RFPL2: variants seen among roughly 807,000 people sequenced by gnomAD.
RFPL2 encodes the protein ret finger protein like 2.
A neutral mutation model predicts 17.8 loss-of-function variants in RFPL2; 13 were observed. That is an observed-to-expected ratio of 0.73 (90% CI 0.47 to 1.16). The LOEUF (loss-of-function observed/expected upper bound fraction) is 1.16, where lower values mean the gene tolerates loss of function less well. Among genes scored for constraint, RFPL2 ranks in the 50% most tolerant of loss-of-function variants. RFPL2 has a pLI of 0.00. For synonymous variants in RFPL2, 189 were observed against 180.9 expected, an observed-to-expected ratio of 1.04 and a Z score of -0.36; for missense variants, 431 against 479.3, an observed-to-expected ratio of 0.90 and a Z score of 0.94.
At chr22:32,193,648 G>A (rs374101334) in intron 3 of RFPL2, among the ~76,000 whole-genome samples, 2 of 152,182 alleles carry the variant, frequency 1.3e-5, no homozygotes, top group Middle Eastern at 3.2e-3. Flanking sequence ...ATCTGAGGTC[G>A]TCAAAAGTTC....
At position 32,200,995 on chromosome 22, in the gene RFPL2, C is replaced by T. The variant is rs1028495488; in HGVS notation, c.119+1338G>A. Among the ~76,000 whole-genome samples, 5 of 151,294 alleles carry T rather than the reference C, an allele frequency of 3.3e-5. No individual in the cohort carries two copies. The East Asian group carries it at 5.8e-4, about 18-fold the overall frequency. ...CTTGTGAAAGATAGTATCTGAGCTC[C>T]GCAGGAAACAGTGCAAGGAGGGTAA... On this transcript the variant is annotated intron_variant, in intron 2 of 4. Coordinates refer to ENST00000652607, the MANE Select transcript of RFPL2 (RefSeq NM_001394555.1).
At chr22:32,200,290 G>A (rs898958997) in intron 2 of RFPL2, 35 of 238,542 alleles carry the variant, frequency 1.5e-4, no homozygotes, top group African/African-American at 5.7e-4. Flanking sequence ...CCCAGAACAG[G>A]GATCCCCTCC....
chr22:32,195,701 G>C (rs62239004), intron 2 of RFPL2, among the ~76,000 whole-genome samples: 2 of 151,360 alleles, frequency 1.3e-5, no homozygotes, highest in African/African-American at 4.9e-5. Context: ...CAGGTAACCC[G>C]CCCGCCTTGG....
intron 3 of RFPL2, among the ~76,000 whole-genome samples, chr22:32,193,723 C>G (rs573141839): frequency 6.6e-6 from 1 of 152,056 alleles, no homozygotes; most frequent in Non-Finnish European, 1.5e-5. Flanking sequence ...ATTAGCCAGG[C>G]GTGGTGGCAC....
At chr22:32,197,394 T>C (rs894133638) in intron 2 of RFPL2, among the ~76,000 whole-genome samples, 5 of 152,148 alleles carry the variant, frequency 3.3e-5, no homozygotes, top group African/African-American at 1.2e-4. Context: ...AGTTCTTTTT[T>C]TTTTCTTTTT....
At chr22:32,202,296 C>A in intron 2 of RFPL2, 37 bp downstream of exon 2, 3 of 1,559,122 alleles carry the variant, frequency 1.9e-6, no homozygotes, top group Middle Eastern at 1.7e-4. Flanking sequence ...AAGACTCCAC[C>A]CTGGAGCAAT....
Position 32,193,552 on chromosome 22 carries a change from T to C in RFPL2, c.266-360A>G. The C allele has an allele frequency of 3.2e-6, 4 of 1,263,298 alleles. No individual in the cohort carries two copies. In the South Asian group the frequency reaches 7.7e-5, roughly 24 times the overall value. The allele number at this position is 1,263,298 out of a possible 1,614,324, so 78.3% of individuals were successfully genotyped here. A position where few individuals can be genotyped will look rare whatever the true frequency, so the allele number is the denominator to read the frequency against. ...AGGGGAACCCCAGCAAGAGACTGAT[T>C]GATGAACATAAGAATTAGGGGCTGG... On this transcript the variant is annotated intron_variant, in intron 3 of 4. Coordinates refer to ENST00000652607, the MANE Select transcript of RFPL2 (RefSeq NM_001394555.1).
At chr22:32,192,218 C>T (rs1208587416) in intron 4 of RFPL2, among the ~76,000 whole-genome samples, 1 of 152,088 alleles carries the variant, frequency 6.6e-6, no homozygotes, top group African/African-American at 2.4e-5. Flanking sequence ...ATCATAGGGG[C>T]CCACCACCAT....
rs371696529 is a variant in RFPL2 at position 32,190,807 on chromosome 22, T to C, written c.1102A>G (p.Thr368Ala). 2 of 1,541,354 alleles carry C rather than the reference T, an allele frequency of 1.3e-6. No homozygotes were observed. Among genetic ancestry groups the C allele is most frequent in the African/African-American group, 1.4e-5 (1 of 72,004 alleles). The part of the protein sequence containing the change: ...SICPLMNSGT[T>A]DAPVRPGEAK ...TCCCCAGGACGGACTGGAGCATCAGTAGTGCCTGAGTTCATCAAAGGACAG... is the reference window on the plus strand; with the variant it reads ...TCCCCAGGACGGACTGGAGCATCAGCAGTGCCTGAGTTCATCAAAGGACAG... Residue 368 changes from threonine to alanine, a missense_variant, in exon 5 of 5, where the codon ACT becomes GCT. Thr to Ala is a moderately conservative substitution (Grantham distance 58). Coordinates refer to ENST00000652607, the MANE Select transcript of RFPL2 (RefSeq NM_001394555.1).
intron 4 of RFPL2, among the ~76,000 whole-genome samples, chr22:32,192,245 G>T (rs1206048220): frequency 1.3e-5 from 2 of 152,176 alleles, no homozygotes; most frequent in Admixed American, 1.3e-4. Flanking sequence ...GTGTAATTCT[G>T]TGCCCAGGCT....
intron 1 of RFPL2, chr22:32,202,805 A>C (rs1603212849): frequency 4.7e-6 from 5 of 1,057,114 alleles, no homozygotes; most frequent in Non-Finnish European, 4.6e-6. Flanking sequence ...CAGAAACTCA[A>C]CCCCAGCCAG....
In RFPL2 at chr22:32,193,275, G is replaced by T. The variant is rs750937990; in HGVS notation, c.266-83C>A. On this transcript the variant is annotated intron_variant, in intron 3 of 4. Coordinates refer to ENST00000652607, the MANE Select transcript of RFPL2 (RefSeq NM_001394555.1). ...TTGTGACAAGTGACAACCTTTTCATGCATAGAGGTATTGTGTTCCAGCTTT... is the reference window on the plus strand; with the variant it reads ...TTGTGACAAGTGACAACCTTTTCATTCATAGAGGTATTGTGTTCCAGCTTT... 3 of 1,611,112 alleles carry T rather than the reference G, an allele frequency of 1.9e-6. No individual in the cohort carries two copies. In the South Asian group the frequency reaches 3.3e-5, roughly 18 times the overall value.
chr22:32,203,936 A>T (rs925540984), intron 1 of RFPL2, among the ~76,000 whole-genome samples: 1 of 149,698 alleles, frequency 6.7e-6, no homozygotes, highest in Non-Finnish European at 1.5e-5. Context: ...GGTGTAGCCA[A>T]CGATGGCGCC....
Position 32,192,995 on chromosome 22 carries a change from G to C in RFPL2, c.463C>G (p.Arg155Gly). The C allele has an allele frequency of 6.2e-7, 1 of 1,614,134 alleles. No homozygotes were observed. Among genetic ancestry groups the C allele is most frequent in the Non-Finnish European group, 8.5e-7 (1 of 1,180,040 alleles). Residue 155 changes from arginine (R) to glycine (G), a missense_variant, in exon 4 of 5, where the codon CGG (arginine) becomes GGG (glycine). Coordinates refer to ENST00000652607, the MANE Select transcript of RFPL2 (RefSeq NM_001394555.1). ...TGGGAAGCCAGCCTCTCTAGCTGCC[G>C]ATTGCGCCTGATTTTGTTCTTCCGA... ...VSRKNKIRRNRQLERLASHIK... is the reference protein window; with the variant it reads ...VSRKNKIRRNGQLERLASHIK...
rs541503232 is a variant in RFPL2, at chr22:32,203,012, A to C, written c.-99-462T>G. ...TCAGGAAATGCTGTGCGCCCGCCGC[A>C]CTTGAGCAAGAACAGGAGGAGGTGG... On this transcript the variant is annotated intron_variant, in intron 1 of 4. Transcript: ENST00000652607. The C allele has an allele frequency of 3.0e-5, 30 of 985,992 alleles. No homozygotes were observed. In the African/African-American group the frequency reaches 4.4e-4, roughly 14 times the overall value. The allele number at this position is 985,992 out of a possible 1,614,324, so 61.1% of individuals were successfully genotyped here. A position where few individuals can be genotyped will look rare whatever the true frequency, so the allele number is the denominator to read the frequency against.
Position 32,190,720 on chromosome 22 carries a change from A to G in RFPL2, c.*52T>C. On this transcript the variant is annotated 3_prime_UTR_variant, in exon 5 of 5. Coordinates refer to ENST00000652607, the MANE Select transcript of RFPL2 (RefSeq NM_001394555.1). ...TACGAAGTAGAGCGTTCCTAAGTCT[A>G]CCCACCCAAGTAATTTTCTTACCCT... 6.7e-7 allele frequency: 1 copy of G among 1,490,778 alleles called. No individual in the cohort carries two copies. The highest frequency in any genetic ancestry group is 9.0e-7 in the Non-Finnish European group (1 of 1,117,068). 92.3% of individuals were successfully genotyped at this position (1,490,778 alleles called of 1,614,324 possible).
intron 1 of RFPL2, among the ~76,000 whole-genome samples, chr22:32,204,388 C>T (rs1478681390): frequency 2.0e-5 from 3 of 152,184 alleles, no homozygotes; most frequent in Non-Finnish European, 4.4e-5. Context: ...AAGCACCCAA[C>T]CTTCCCGTGC....
chr22:32,192,956 C>T lies in RFPL2; in HGVS notation c.502G>A (p.Glu168Lys). The change falls in exon 4 of 5, where the codon GAG (glutamate) becomes AAG (lysine). Residue 168 changes from glutamate (E) to lysine (K), a missense_variant. By Grantham distance (56) the Glu-to-Lys change is moderately conservative (BLOSUM62 1). Transcript: ENST00000652607. ...ERLASHIKEL[E>K]PKLKKILQMN... The stretch of plus-strand genomic sequence containing the variant: ...TGCAGAATCTTCTTCAGCTTGGGCT[C>T]CAGTTCCTTGATGTGGGAAGCCAGC... The T allele has an allele frequency of 6.2e-7, 1 of 1,614,138 alleles. No homozygotes were observed. The highest frequency in any genetic ancestry group is 1.1e-5 in the South Asian group (1 of 91,076).
Position 32,202,411 on chromosome 22 carries a change from G to C in RFPL2, c.41C>G (p.Ser14Cys). ...AGCACATAGACAGATCCTGGATTGG[G>C]ACACTGCAGTCTCTGGGAAGCCTAA... ...AELGFPETAV[S>C]QSRICLCAVL... Residue 14 changes from serine (S) to cysteine (C), a missense_variant, in exon 2 of 5, where the codon TCC (serine) becomes TGC (cysteine). By Grantham distance (112) the Ser-to-Cys change is moderately radical. Transcript: ENST00000652607. 6.2e-7 allele frequency: 1 copy of C among 1,603,624 alleles called. No individual in the cohort carries two copies. The highest frequency in any genetic ancestry group is 1.1e-5 in the South Asian group (1 of 88,344).
Sources: allele counts gnomAD v4.1 joint callset (sites outside exome capture counted in the v4.1 genomes callset), GRCh38; gene constraint gnomAD v4.1.1; transcripts MANE v1.5; gene names NCBI Gene and HGNC (gene_info 2026-07-23, HGNC 2026-07-21).